Variants in ARAF observed in about 807,000 individuals in gnomAD.
ARAF encodes the protein A-Raf proto-oncogene, serine/threonine kinase.
A neutral mutation model predicts 48.0 loss-of-function variants in ARAF; 18 were observed. The observed-to-expected ratio is 0.37, with a 90% CI of 0.26 to 0.56. The LOEUF (loss-of-function observed/expected upper bound fraction) is 0.56, where lower values mean the gene tolerates loss of function less well. Among genes scored for constraint, ARAF ranks in the 20% least tolerant of loss-of-function variants. The probability of loss-of-function intolerance (pLI) is 0.77; values close to 1 mark genes in which losing one functional copy is unlikely to be tolerated. For synonymous variants in ARAF, 207 were observed against 220.1 expected, an observed-to-expected ratio of 0.94 and a Z score of 0.53; for missense variants, 389 against 543.1, an observed-to-expected ratio of 0.72 and a Z score of 2.82.
intron 13 of ARAF, 21 bp downstream of exon 13, chrX:47,569,678 T>TG (rs751114324): frequency 1.9e-5 from 22 of 1,181,399 alleles, no homozygotes; most frequent in African/African-American, 7.2e-5. Context: ...CCAGGCTGGA[T>TG]GGGGGGCACA....
intron 12 of ARAF, 143 bp from the exon 13 acceptor site, chrX:47,569,396 G>A (rs771822290): frequency 5.7e-6 from 3 of 523,322 alleles, no homozygotes; most frequent in South Asian, 3.0e-5. Context: ...CCACGTCAAG[G>A]TTGTGGATAG....
At position 47,569,691 on chromosome X, in the gene ARAF, G is replaced by A. The variant is rs200660377; in HGVS notation, c.1419+34G>A. ...GGCCAGGCTGGATGGGGGGCACATG[G>A]GGACGTGGGCTCCGGGATTGGGGTG... On this transcript the variant is annotated intron_variant, in intron 13 of 15. Coordinates refer to ENST00000377045, the MANE Select transcript of ARAF (RefSeq NM_001654.5). 6.2e-5 allele frequency: 73 copies of A among 1,170,591 alleles called. No individual in the cohort carries two copies. The African/African-American group carries it at 7.7e-4, about 12-fold the overall frequency.
chrX:47,567,852 ATAT>A (rs1254706420), intron 10 of ARAF, among the ~76,000 whole-genome samples: 13 of 111,281 alleles, frequency 1.2e-4, no homozygotes, highest in Middle Eastern at 4.2e-3. Context: ...GATTTAAACA[ATAT>A]TATCATCATC....
At chrX:47,570,835 CCT>C (rs1569321357) in intron 14 of ARAF, 41 bp from the exon 15 acceptor site, 15 of 1,182,311 alleles carry the variant, frequency 1.3e-5, no homozygotes, top group Non-Finnish European at 1.6e-5. Flanking sequence ...CCTCCCAGCC[CCT>C]GACCCCAGAT....
rs1036402369 is a variant in ARAF, at chrX:47,565,304, C to G, written c.511C>G (p.Pro171Ala). The G allele has an allele frequency of 3.3e-6, 4 of 1,211,750 alleles. No homozygotes were observed. The highest frequency in any genetic ancestry group is 4.5e-6 in the Non-Finnish European group (4 of 895,437). ...LSGGSRQHEAPSNRPLNELLT... is the reference protein window; with the variant it reads ...LSGGSRQHEAASNRPLNELLT... ...CGGAGGCTCCAGACAGCATGAGGCTCCCTCGAACCGCCCCCTGAATGAGTT... is the reference window on the plus strand; with the variant it reads ...CGGAGGCTCCAGACAGCATGAGGCTGCCTCGAACCGCCCCCTGAATGAGTT... Residue 171 changes from proline (P) to alanine (A), a missense_variant, in exon 6 of 16, where the codon CCC (proline) becomes GCC (alanine). Physicochemically the swap from Pro to Ala is conservative, Grantham distance 27. Transcript: ENST00000377045.
chrX:47,569,409 T>G (rs2057745949), intron 12 of ARAF, 130 bp from the exon 13 acceptor site: 1 of 547,174 alleles, frequency 1.8e-6, no homozygotes, highest in African/African-American at 2.3e-5. Flanking sequence ...GTGGATAGTT[T>G]GCGTGATATT....
In ARAF at chrX:47,564,805, C is replaced by T. The variant is rs199527940; in HGVS notation, c.209C>T (p.Thr70Met). 2.1e-5 allele frequency: 25 copies of T among 1,199,973 alleles called. No homozygotes were observed. Among genetic ancestry groups the T allele is most frequent in the East Asian group, 6.0e-5 (2 of 33,320 alleles). ...TTCCATGCCCCCTGCAGACGAAAGA[C>T]GGTCACTGCCTGGGACACAGCCATT... ...VVYRLIKGRK[T>M]VTAWDTAIAP... The change falls in exon 4 of 16, where the codon ACG (threonine) becomes ATG (methionine). Residue 70 changes from threonine to methionine, a missense_variant. Thr to Met is a moderately conservative substitution (Grantham distance 81, BLOSUM62 -1). Coordinates refer to ENST00000377045, the MANE Select transcript of ARAF (RefSeq NM_001654.5).
chrX:47,567,785 A>G (rs1463828302), intron 10 of ARAF, among the ~76,000 whole-genome samples: 2 of 110,543 alleles, frequency 1.8e-5, no homozygotes, highest in Non-Finnish European at 3.8e-5. Flanking sequence ...CTTGGGCTAC[A>G]ATGGTAATGT....
rs2057743348 is a variant in ARAF, at chrX:47,568,726, G to A, written c.1085G>A (p.Arg362Gln). The A allele has an allele frequency of 8.3e-7, 1 of 1,210,102 alleles. No individual in the cohort carries two copies. The highest frequency in any genetic ancestry group is 1.1e-6 in the Non-Finnish European group (1 of 894,186). The change falls in exon 11 of 16, where the codon CGA becomes CAA. Residue 362 changes from arginine (R) to glutamine (Q), a missense_variant. Coordinates refer to ENST00000377045, the MANE Select transcript of ARAF (RefSeq NM_001654.5). ...GCCCTCCCTGCCTGCAGGAAGACGC[G>A]ACATGTCAACATCTTGCTGTTTATG... is the stretch of plus-strand genomic sequence containing the variant. ...KNEMQVLRKT[R>Q]HVNILLFMGF...
chrX:47,570,845 G>A lies in ARAF; in HGVS notation c.1552-33G>A, dbSNP rs751634782. On this transcript the variant is annotated intron_variant, in intron 14 of 15. Coordinates refer to ENST00000377045, the MANE Select transcript of ARAF (RefSeq NM_001654.5). ...TTGGGCCTCCCAGCCCCTGACCCCA[G>A]ATCACCCCTTTCCTGCCCCCGTCTG... 8.4e-6 allele frequency: 10 copies of A among 1,188,499 alleles called. No homozygotes were observed. In the Admixed American group the frequency reaches 2.3e-4, roughly 27 times the overall value.
At chrX:47,564,760 C>G in intron 3 of ARAF, 37 bp from the exon 4 acceptor site, 1 of 1,130,649 alleles carries the variant, frequency 8.8e-7, no homozygotes, top group Non-Finnish European at 1.2e-6. Context: ...TGGCCCCTAC[C>G]CAACCTCCCA....
chrX:47,563,506 T>C (rs1338770221), intron 3 of ARAF, among the ~76,000 whole-genome samples, 177 bp downstream of exon 3: 5 of 112,142 alleles, frequency 4.5e-5, no homozygotes, highest in Non-Finnish European at 7.5e-5. Context: ...CTTGAAACCA[T>C]AGATAGTACC....
intron 2 of ARAF, 53 bp from the exon 3 acceptor site, chrX:47,563,173 C>T (rs2057717846): frequency 1.7e-6 from 2 of 1,159,331 alleles, no homozygotes. Context: ...ATGGGAACAT[C>T]AGCTGCGCTT....
Position 47,571,420 on chromosome X carries a change from C to T in ARAF, c.1784C>T (p.Pro595Leu). Residue 595 changes from proline to leucine, a missense_variant, in exon 16 of 16, where the codon CCT (proline) becomes CTT (leucine). By Grantham distance (98) the Pro-to-Leu change is moderately conservative. Coordinates refer to ENST00000377045, the MANE Select transcript of ARAF (RefSeq NM_001654.5). Reference protein sequence around the residue: ...SLHRTQADELPACLLSAARLV... With the variant: ...SLHRTQADELLACLLSAARLV... The stretch of plus-strand genomic sequence containing the variant: ...CACCGCACCCAGGCCGATGAGTTGC[C>T]TGCCTGCCTACTCAGCGCAGCCCGC... 1 of 1,208,372 alleles carries T rather than the reference C, an allele frequency of 8.3e-7. No homozygotes were observed. The highest frequency in any genetic ancestry group is 1.1e-6 in the Non-Finnish European group (1 of 893,906).
chrX:47,571,561 C>T lies in ARAF; in HGVS notation c.*104C>T, dbSNP rs1020985145. 1.9e-6 allele frequency: 2 copies of T among 1,030,117 alleles called. No homozygotes were observed. The highest frequency in any genetic ancestry group is 3.8e-5 in the African/African-American group (2 of 52,788). 84.9% of individuals were successfully genotyped at this position (1,030,117 alleles called of 1,213,427 possible). A position where few individuals can be genotyped will look rare whatever the true frequency, so the allele number is the denominator to read the frequency against. On this transcript the variant is annotated 3_prime_UTR_variant, in exon 16 of 16. Coordinates refer to ENST00000377045, the MANE Select transcript of ARAF (RefSeq NM_001654.5). ...CTCTGCCCTGATGCTGCCTCAGGATCCCCCATTCCCCACCCTGGGAGATGA... is the reference window on the plus strand; with the variant it reads ...CTCTGCCCTGATGCTGCCTCAGGATTCCCCATTCCCCACCCTGGGAGATGA...
chrX:47,561,692 CTG>C (rs1288658466), intron 1 of ARAF, among the ~76,000 whole-genome samples: 4 of 109,137 alleles, frequency 3.7e-5, no homozygotes, highest in Non-Finnish European at 7.6e-5. Context: ...ATTCTCGCCT[CTG>C]TAACCGCCTT....
chrX:47,569,110 G>A, intron 12 of ARAF, 77 bp downstream of exon 12: 1 of 1,101,195 alleles, frequency 9.1e-7, no homozygotes. Context: ...GGGGTTCTGG[G>A]AATTACAAGG....
chrX:47,563,810 C>T (rs904653619), intron 3 of ARAF, among the ~76,000 whole-genome samples: 3 of 111,646 alleles, frequency 2.7e-5, no homozygotes, highest in Non-Finnish European at 3.8e-5. Context: ...TTGGCATGTC[C>T]GAATTGCCAC....
Position 47,570,999 on chromosome X carries a change from C to T in ARAF, c.1673C>T (p.Pro558Leu). The T allele has an allele frequency of 8.3e-7, 1 of 1,210,908 alleles. No individual in the cohort carries two copies. Among genetic ancestry groups the T allele is most frequent in the Non-Finnish European group, 1.1e-6 (1 of 894,978 alleles). The change falls in exon 15 of 16, where the codon CCC (proline) becomes CTC (leucine). Residue 558 changes from proline (P) to leucine (L), a missense_variant. By Grantham distance (98) the Pro-to-Leu change is moderately conservative. Coordinates refer to ENST00000377045, the MANE Select transcript of ARAF (RefSeq NM_001654.5). ...DCLKFQREER[P>L]LFPQILATIE... ...CTCAAGTTCCAGCGGGAGGAGCGGC[C>T]CCTCTTCCCCCAGGTGGGCTGGGTA...
Sources: gnomAD v4.1 joint callset for allele counts (sites outside exome capture counted in the v4.1 genomes callset) on GRCh38, gnomAD v4.1.1 for gene constraint, MANE v1.5 for transcripts, NCBI Gene and HGNC (gene_info 2026-07-23, HGNC 2026-07-21) for gene names.